CNBD1: variants seen among roughly 807,000 people sequenced by gnomAD.
The protein encoded by CNBD1 is cyclic nucleotide binding domain containing 1.
CNBD1 carries 71 observed loss-of-function variants against 54.4 expected under a neutral mutation model. The ratio of observed to expected loss-of-function variants is 1.30; its 90% CI spans 1.08 to 1.59. The LOEUF is 1.59. CNBD1 is among the 40% of genes most tolerant of loss of function. The probability of loss-of-function intolerance (pLI) is 0.00; values close to 1 mark genes in which losing one functional copy is unlikely to be tolerated. For synonymous variants in CNBD1, 182 were observed against 170.7 expected (o/e 1.07, Z -0.51); for missense variants, 659 against 518.0 (o/e 1.27, Z -2.64).
intron 8 of CNBD1, among the ~76,000 whole-genome samples, chr8:87,303,847 C>G (rs189431472): frequency 3.4e-4 from 52 of 152,124 alleles, no homozygotes; most frequent in African/African-American, 1.2e-3. Flanking sequence ...AGACACTTCT[C>G]AAAAGAAGAT....
At chr8:86,882,393 TA>T (rs1299860124) in intron 1 of CNBD1, among the ~76,000 whole-genome samples, 2 of 152,028 alleles carry the variant, frequency 1.3e-5, no homozygotes, top group Non-Finnish European at 2.9e-5. Flanking sequence ...AAAGAAGACA[TA>T]AATGTGGCCA....
intron 8 of CNBD1, among the ~76,000 whole-genome samples, chr8:87,313,845 C>A (rs1809325684): frequency 6.6e-6 from 1 of 151,790 alleles, no homozygotes. Context: ...GTAAGGAAAA[C>A]ATGTCAGCAA....
intron 2 of CNBD1, among the ~76,000 whole-genome samples, chr8:87,405,274 A>C (rs1807633683): frequency 6.6e-6 from 1 of 152,090 alleles, no homozygotes; most frequent in African/African-American, 2.4e-5. Context: ...TAATTTATAT[A>C]CTTTTTATCA....
intron 5 of CNBD1, among the ~76,000 whole-genome samples, chr8:87,222,298 T>C (rs1015299685): frequency 1.3e-5 from 2 of 151,830 alleles, no homozygotes; most frequent in African/African-American, 4.9e-5. Context: ...TAAGCTTTCA[T>C]TTATTCGACG....
chr8:87,068,440 G>C (rs970824187), intron 4 of CNBD1, among the ~76,000 whole-genome samples: 1 of 151,844 alleles, frequency 6.6e-6, no homozygotes, highest in Non-Finnish European at 1.5e-5. Flanking sequence ...TCTTTTAATT[G>C]GGTTTTATGT....
intron 4 of CNBD1, among the ~76,000 whole-genome samples, chr8:87,167,956 T>C (rs1813000117): frequency 6.6e-6 from 1 of 152,000 alleles, no homozygotes; most frequent in South Asian, 2.1e-4. Context: ...TGCTCCTAGA[T>C]TGCAAATCTC....
At chr8:87,198,094 C>T (rs1420551558) in intron 4 of CNBD1, among the ~76,000 whole-genome samples, 1 of 152,118 alleles carries the variant, frequency 6.6e-6, no homozygotes, top group East Asian at 1.9e-4. Context: ...CAAATGTTTG[C>T]AACAATATAC....
At chr8:86,877,329 A>ATTAT (rs1808536169) in intron 1 of CNBD1, among the ~76,000 whole-genome samples, 1 of 152,138 alleles carries the variant, frequency 6.6e-6, no homozygotes, top group Non-Finnish European at 1.5e-5. Flanking sequence ...CCTACACTTT[A>ATTAT]TTAGTACATT....
intron 4 of CNBD1, among the ~76,000 whole-genome samples, chr8:87,159,913 T>C (rs1047507500): frequency 6.6e-6 from 1 of 151,784 alleles, no homozygotes; most frequent in Non-Finnish European, 1.5e-5. Context: ...TTTAATATTT[T>C]AACAGATACA....
chr8:87,394,471 T>TTCTG (rs1245783573), intron 2 of CNBD1, among the ~76,000 whole-genome samples: 14 of 151,870 alleles, frequency 9.2e-5, no homozygotes, highest in African/African-American at 3.4e-4. Flanking sequence ...CCCTTATTCT[T>TTCTG]TCTGTCTGTC....
chr8:86,914,861 A>C (rs12681102), intron 3 of CNBD1, among the ~76,000 whole-genome samples: 52,166 of 152,074 alleles, frequency 0.34, 9,113 homozygotes, highest in East Asian at 0.42. Flanking sequence ...ATGGAATAGT[A>C]AAGAAGAAAC....
intron 4 of CNBD1, among the ~76,000 whole-genome samples, chr8:87,120,451 ATCTTCTC>A (rs1263050381): frequency 6.8e-6 from 1 of 147,708 alleles, no homozygotes; most frequent in Non-Finnish European, 1.5e-5. Context: ...GTTTATTTGC[ATCTTCTC>A]TCTTCTCTCT....
At chr8:87,319,054 A>T (rs950932905) in intron 8 of CNBD1, among the ~76,000 whole-genome samples, 3 of 152,104 alleles carry the variant, frequency 2.0e-5, no homozygotes, top group African/African-American at 7.2e-5. Flanking sequence ...GATCAACATA[A>T]TGGTGTGTGT....
chr8:87,220,294 G>A (rs369839051), intron 5 of CNBD1, among the ~76,000 whole-genome samples: 5 of 151,864 alleles, frequency 3.3e-5, no homozygotes, highest in Admixed American at 6.6e-5. Flanking sequence ...TGCAATGTTC[G>A]TAGTTTGCCT....
chr8:87,296,291 T>A (rs1808874007), intron 8 of CNBD1, among the ~76,000 whole-genome samples: 1 of 152,140 alleles, frequency 6.6e-6, no homozygotes, highest in South Asian at 2.1e-4. Flanking sequence ...ATACATACTT[T>A]TGGGAATGCC....
At chr8:87,394,550 A>G (rs1811375030) in intron 2 of CNBD1, among the ~76,000 whole-genome samples, 1 of 151,904 alleles carries the variant, frequency 6.6e-6, no homozygotes, top group South Asian at 2.1e-4. Context: ...GGTTAGCACA[A>G]TTATTCCTGT....
chr8:86,945,932 T>A (rs1807455491), intron 4 of CNBD1, among the ~76,000 whole-genome samples: 1 of 152,208 alleles, frequency 6.6e-6, no homozygotes, highest in Non-Finnish European at 1.5e-5. Flanking sequence ...GCAAAATGCC[T>A]GGCCTGCAGA....
intron 4 of CNBD1, among the ~76,000 whole-genome samples, chr8:87,137,406 G>A (rs755818921): frequency 1.1e-4 from 17 of 151,418 alleles, no homozygotes; most frequent in Non-Finnish European, 1.6e-4. Flanking sequence ...GTTTCACTGT[G>A]TTAGCCAGGA....
At chr8:87,286,831 G>A (rs1256172065) in intron 8 of CNBD1, among the ~76,000 whole-genome samples, 160 bp downstream of exon 8, 1 of 151,918 alleles carries the variant, frequency 6.6e-6, no homozygotes, top group Non-Finnish European at 1.5e-5. Flanking sequence ...ATTATTTCCT[G>A]CTTTTTATTA....
Sources: gnomAD v4.1 joint callset for allele counts (sites outside exome capture counted in the v4.1 genomes callset) on GRCh38, gnomAD v4.1.1 for gene constraint, MANE v1.5 for transcripts, NCBI Gene and HGNC (gene_info 2026-07-23, HGNC 2026-07-21) for gene names.